The following SLC9A9 variants were observed in gnomAD, a reference collection of about 807,000 sequenced individuals.
SLC9A9 encodes sodium/hydrogen exchanger 9.
In SLC9A9, 62 loss-of-function variants were observed where a neutral mutation model predicts 77.8. The observed-to-expected ratio is 0.80, with a 90% CI of 0.65 to 0.98. SLC9A9 has a LOEUF of 0.98. SLC9A9 is among the 50% of genes least tolerant of loss of function. The pLI is 0.00. For missense variants in SLC9A9, 775 were observed against 774.9 expected, an observed-to-expected ratio of 1.00 and a Z score of 0.00; for synonymous variants, 320 against 283.5, an observed-to-expected ratio of 1.13 and a Z score of -1.29.
At chr3:143,686,722 C>T (rs1199740544) in intron 5 of SLC9A9, among the ~76,000 whole-genome samples, 1 of 152,088 alleles carries the variant, frequency 6.6e-6, no homozygotes, top group Non-Finnish European at 1.5e-5. Context: ...ATTTACCAAA[C>T]GAGACCCCAA....
At chr3:143,579,130 C>T (rs1194760280) in intron 6 of SLC9A9, among the ~76,000 whole-genome samples, 1 of 152,152 alleles carries the variant, frequency 6.6e-6, no homozygotes, top group Non-Finnish European at 1.5e-5. Flanking sequence ...ACTTTTATGG[C>T]CTGTGCACAA....
chr3:143,316,079 T>C (rs1265257232), intron 14 of SLC9A9, among the ~76,000 whole-genome samples: 1 of 152,204 alleles, frequency 6.6e-6, no homozygotes, highest in African/African-American at 2.4e-5. Context: ...GCAGCCAGAA[T>C]TGACGGACAT....
chr3:143,361,828 C>T (rs2032763247), intron 14 of SLC9A9, among the ~76,000 whole-genome samples: 1 of 152,164 alleles, frequency 6.6e-6, no homozygotes, highest in Non-Finnish European at 1.5e-5. Context: ...TGATGGACTT[C>T]CACTTTTATT....
chr3:143,633,913 C>A (rs909464639), intron 6 of SLC9A9, among the ~76,000 whole-genome samples: 1 of 152,280 alleles, frequency 6.6e-6, no homozygotes, highest in Admixed American at 6.5e-5. Flanking sequence ...TAACTTTTCT[C>A]CCAAAGGAAT....
intron 12 of SLC9A9, among the ~76,000 whole-genome samples, chr3:143,446,418 T>C (rs2034844375): frequency 6.6e-6 from 1 of 152,018 alleles, no homozygotes. Flanking sequence ...TTATGGGGGC[T>C]TGAGGAGAGA....
intron 12 of SLC9A9, among the ~76,000 whole-genome samples, chr3:143,450,568 C>A (rs1180462018): frequency 2.1e-5 from 3 of 145,310 alleles, no homozygotes; most frequent in Non-Finnish European, 3.0e-5. Flanking sequence ...TTATTTTACC[C>A]TCATAAAAAT....
At chr3:143,397,710 A>G (rs1359537498) in intron 12 of SLC9A9, among the ~76,000 whole-genome samples, 6 of 152,206 alleles carry the variant, frequency 3.9e-5, no homozygotes, top group Admixed American at 6.5e-5. Context: ...CAGCAGTGAG[A>G]TCTCAGGGTG....
intron 2 of SLC9A9, among the ~76,000 whole-genome samples, chr3:143,811,261 G>A (rs1356378683): frequency 6.6e-6 from 1 of 152,140 alleles, no homozygotes; most frequent in African/African-American, 2.4e-5. Flanking sequence ...GCAGCTTTGG[G>A]TCACACCTAG....
chr3:143,291,256 C>T (rs2029939524), intron 14 of SLC9A9, among the ~76,000 whole-genome samples: 1 of 152,062 alleles, frequency 6.6e-6, no homozygotes, highest in Admixed American at 6.5e-5. Context: ...CCAGTGTCCA[C>T]TCCCAGCTGA....
intron 14 of SLC9A9, among the ~76,000 whole-genome samples, chr3:143,273,278 C>A (rs554248185): frequency 6.6e-6 from 1 of 152,174 alleles, no homozygotes; most frequent in African/African-American, 2.4e-5. Context: ...TGTCTGCATC[C>A]CCCCACCCTC....
At chr3:143,516,416 A>G (rs2036203823) in intron 9 of SLC9A9, among the ~76,000 whole-genome samples, 1 of 152,076 alleles carries the variant, frequency 6.6e-6, no homozygotes, top group Non-Finnish European at 1.5e-5. Flanking sequence ...TTCTTTTTCT[A>G]ACCTCTCACA....
At chr3:143,314,672 C>A (rs910079683) in intron 14 of SLC9A9, among the ~76,000 whole-genome samples, 1 of 152,238 alleles carries the variant, frequency 6.6e-6, no homozygotes, top group African/African-American at 2.4e-5. Flanking sequence ...ACTGGCCAGC[C>A]CTCTTCGAGG....
chr3:143,344,152 C>T (rs548124698), intron 14 of SLC9A9, among the ~76,000 whole-genome samples: 1 of 152,234 alleles, frequency 6.6e-6, no homozygotes, highest in Non-Finnish European at 1.5e-5. Context: ...TATTAACTGA[C>T]AAAGGTTACT....
At chr3:143,438,511 G>T (rs1241849848) in intron 12 of SLC9A9, among the ~76,000 whole-genome samples, 1 of 152,184 alleles carries the variant, frequency 6.6e-6, no homozygotes, top group East Asian at 1.9e-4. Context: ...TCCAGCCTGA[G>T]AAATCTAGTC....
At chr3:143,807,214 A>G (rs2008742993) in intron 2 of SLC9A9, among the ~76,000 whole-genome samples, 1 of 151,244 alleles carries the variant, frequency 6.6e-6, no homozygotes, top group Non-Finnish European at 1.5e-5. Flanking sequence ...GAGGCTAAGG[A>G]GTGTGGATCA....
intron 12 of SLC9A9, among the ~76,000 whole-genome samples, chr3:143,446,241 T>G: frequency 6.6e-6 from 1 of 151,928 alleles, no homozygotes; most frequent in East Asian, 1.9e-4. Flanking sequence ...GGGCCCTAAC[T>G]GGAGTGAGGC....
chr3:143,295,327 A>G (rs1283842909), intron 14 of SLC9A9, among the ~76,000 whole-genome samples: 5 of 152,166 alleles, frequency 3.3e-5, no homozygotes, highest in African/African-American at 9.7e-5. Flanking sequence ...AGTTATTTGC[A>G]TGACTTCCTT....
chr3:143,551,251 T>G (rs2036877938), intron 9 of SLC9A9, among the ~76,000 whole-genome samples: 1 of 152,228 alleles, frequency 6.6e-6, no homozygotes, highest in African/African-American at 2.4e-5. Context: ...GGAGCTATCC[T>G]GCCAATACCT....
In SLC9A9 at chr3:143,606,400, A is replaced by ATCTCTCTCTCTCTC. The variant is rs746582477; in HGVS notation, c.756-27691_756-27678dup. ...CACTTCAGACTGGGCGAAAGAGTGA[A>ATCTCTCTCTCTCTC]TCTCTCTCTCTCTCTCTCTCTCTCT... On this transcript the variant is annotated intron_variant, in intron 6 of 15. Coordinates refer to ENST00000316549, the MANE Select transcript of SLC9A9 (RefSeq NM_173653.4). Among the ~76,000 whole-genome samples the ATCTCTCTCTCTCTC allele has an allele frequency of 1.8e-3, 136 of 76,436 alleles. 2 individuals are homozygous for ATCTCTCTCTCTCTC. Among genetic ancestry groups the ATCTCTCTCTCTCTC allele is most frequent in the Non-Finnish European group, 2.0e-3 (85 of 43,146 alleles). The allele number at this position is 76,436 out of a possible 152,430, so 50.1% of individuals were successfully genotyped here. A position where few individuals can be genotyped will look rare whatever the true frequency, so the allele number is the denominator to read the frequency against.
Sources: gnomAD v4.1 joint callset for allele counts (sites outside exome capture counted in the v4.1 genomes callset) on GRCh38, gnomAD v4.1.1 for gene constraint, MANE v1.5 for transcripts, NCBI Gene and HGNC (gene_info 2026-07-23, HGNC 2026-07-21) for gene names.